The following ARMC12 variants were observed in gnomAD, a reference collection of about 807,000 sequenced individuals.
ARMC12 encodes the protein armadillo repeat-containing protein 12.
In ARMC12, 25 loss-of-function variants were observed where a neutral mutation model predicts 37.4. That is an observed-to-expected ratio of 0.67 (90% CI 0.49 to 0.93). ARMC12 has a LOEUF of 0.93. ARMC12 is among the 40% of genes least tolerant of loss of function. ARMC12 has a pLI of 0.00. For missense variants in ARMC12, 384 were observed against 426.6 expected, an observed-to-expected ratio of 0.90 and a Z score of 0.88; for synonymous variants, 167 against 176.1, an observed-to-expected ratio of 0.95 and a Z score of 0.41.
chr6:35,737,301 C>T (rs370456072), intron 1 of ARMC12, 30 bp downstream of exon 1: 81 of 1,614,124 alleles, frequency 5.0e-5, no homozygotes, highest in Non-Finnish European at 6.5e-5. Flanking sequence ...GGAGAGGGCT[C>T]TGCCCCAGGA....
In ARMC12 at chr6:35,743,298, C is replaced by T. The variant is rs139434062; in HGVS notation, c.445-3963C>T. Among the ~76,000 whole-genome samples the T allele has an allele frequency of 6.0e-4, 91 of 151,676 alleles. 1 individual carries two copies. In the East Asian group the frequency reaches 0.017, roughly 29 times the overall value. ...ATGGCGCGATCTCAGCTCACCGCAA[C>T]CTCCGCCTCCCGGGTTCAAGTGATT... On this transcript the variant is annotated intron_variant, in intron 3 of 5. Coordinates refer to ENST00000373866, the MANE Select transcript of ARMC12 (RefSeq NM_001286574.2).
rs138646133 is a variant in ARMC12, at chr6:35,742,142, T to C, written c.444+3624T>C. Reference sequence around the variant, plus strand: ...AAAGTGCTGGGATTGCAGGTGTCAGTCACCACACCTGGTCAGGCTGTGATT... The same window carrying C: ...AAAGTGCTGGGATTGCAGGTGTCAGCCACCACACCTGGTCAGGCTGTGATT... On this transcript the variant is annotated intron_variant, in intron 3 of 5. Transcript: ENST00000373866. 7.1e-4 allele frequency among the ~76,000 whole-genome samples: 108 copies of C among 151,850 alleles called. 1 individual carries two copies. In the East Asian group the frequency reaches 0.018, roughly 25 times the overall value.
At position 35,748,264 on chromosome 6, in the gene ARMC12, C is replaced by T. The variant is rs577494942; in HGVS notation, c.691-274C>T. Among the ~76,000 whole-genome samples the T allele has an allele frequency of 5.3e-5, 8 of 152,264 alleles. No individual in the cohort carries two copies. In the East Asian group the frequency reaches 1.5e-3, roughly 29 times the overall value. On this transcript the variant is annotated intron_variant, in intron 5 of 5. Coordinates refer to ENST00000373866, the MANE Select transcript of ARMC12 (RefSeq NM_001286574.2). Reference sequence around the variant, plus strand: ...ATTAAATGCACAGTCCTCTCAAGCACACACACAATACTTAAGAAAATTAGT... The same window carrying T: ...ATTAAATGCACAGTCCTCTCAAGCATACACACAATACTTAAGAAAATTAGT...
chr6:35,736,071 C>G (rs182506790), upstream of ARMC12, among the ~76,000 whole-genome samples: 693 of 152,330 alleles, frequency 4.5e-3, 3 homozygotes, highest in Middle Eastern at 0.02. Flanking sequence ...TAGATGCTGT[C>G]ATTGTTCTGC....
At chr6:35,733,659 C>A (rs1012434055), upstream of ARMC12, among the ~76,000 whole-genome samples, 1 of 152,182 alleles carries the variant, frequency 6.6e-6, no homozygotes, top group African/African-American at 2.4e-5. Flanking sequence ...ATGCACACCA[C>A]CACGTCCAGC....
In ARMC12 at chr6:35,747,589, G is replaced by T; in HGVS notation, c.632G>T (p.Arg211Leu). ...DYILAQVQAV[R>L]LLSYLAQKND... The stretch of plus-strand genomic sequence containing the variant: ...TCCTTTATTCAGGTGCAAGCCGTAC[G>T]ACTGCTGAGCTACCTGGCACAGAAG... Residue 211 changes from arginine (R) to leucine (L), a missense_variant, in exon 5 of 6, where the codon CGA (arginine) becomes CTA (leucine). Arg to Leu is a moderately radical substitution (Grantham distance 102, BLOSUM62 -2). Transcript: ENST00000373866. The T allele has an allele frequency of 6.2e-7, 1 of 1,614,164 alleles. No individual in the cohort carries two copies. The highest frequency in any genetic ancestry group is 8.5e-7 in the Non-Finnish European group (1 of 1,180,032).
intron 3 of ARMC12, among the ~76,000 whole-genome samples, chr6:35,741,686 C>T (rs1767173518): frequency 6.6e-6 from 1 of 152,150 alleles, no homozygotes; most frequent in Non-Finnish European, 1.5e-5. Flanking sequence ...TCCCAAACTG[C>T]TGGGATTACA....
intron 3 of ARMC12, among the ~76,000 whole-genome samples, chr6:35,742,956 C>T (rs1370980717): frequency 6.6e-6 from 1 of 152,208 alleles, no homozygotes; most frequent in African/African-American, 2.4e-5. Flanking sequence ...CTAACCCCAG[C>T]CACGTACAAT....
chr6:35,735,678 G>A (rs1422204918), upstream of ARMC12: 1 of 152,330 alleles, frequency 6.6e-6, no homozygotes, highest in African/African-American at 2.4e-5. The surrounding 1 kb of genome is among the most constrained non-coding windows in gnomAD (Gnocchi z 4.0). Flanking sequence ...GTTTGGAGCT[G>A]GCCACTTGCC....
chr6:35,737,047 G>C lies in ARMC12; in HGVS notation c.-62G>C. The C allele has an allele frequency of 6.3e-7, 1 of 1,594,404 alleles. No individual in the cohort carries two copies. ...TGACCCTGCCAGAGTTCTGGTTCCG[G>C]AAGGCCCCCCACAGGTGCCTTGGGC... On this transcript the variant is annotated 5_prime_UTR_variant, in exon 1 of 6. Transcript: ENST00000373866.
chr6:35,738,324 G>A lies in ARMC12; in HGVS notation c.310-60G>A, dbSNP rs1767056438. ...TGCGGAGGGATCTTGGTGACATGGGGGGCAGTGGGCCCAGAACACCCGCTT... is the reference window on the plus strand; with the variant it reads ...TGCGGAGGGATCTTGGTGACATGGGAGGCAGTGGGCCCAGAACACCCGCTT... On this transcript the variant is annotated intron_variant, in intron 2 of 5. Coordinates refer to ENST00000373866, the MANE Select transcript of ARMC12 (RefSeq NM_001286574.2). 3.2e-6 allele frequency: 5 copies of A among 1,578,502 alleles called. No individual in the cohort carries two copies. The East Asian group carries it at 6.7e-5, about 21-fold the overall frequency.
chr6:35,743,342 G>A (rs897226567), intron 3 of ARMC12, among the ~76,000 whole-genome samples: 5 of 151,486 alleles, frequency 3.3e-5, no homozygotes, highest in East Asian at 2.0e-4. Flanking sequence ...TCAGCCTCCC[G>A]AGTAGCTGGG....
Position 35,748,638 on chromosome 6 carries a change from C to T in ARMC12, c.791C>T (p.Ala264Val). 3 of 1,613,106 alleles carry T rather than the reference C, an allele frequency of 1.9e-6. No individual in the cohort carries two copies. The highest frequency in any genetic ancestry group is 1.7e-6 in the Non-Finnish European group (2 of 1,179,338). The change falls in exon 6 of 6, where the codon GCA (alanine) becomes GTA (valine). Residue 264 changes from alanine to valine, a missense_variant. Ala to Val is a moderately conservative substitution (Grantham distance 64). Transcript: ENST00000373866. ...GAGCGGCTGAGTGAGGGCCGGAACG[C>T]ACCCCACTACCACGTGGTGAAATGG... is the stretch of plus-strand genomic sequence containing the variant. ...FAERLSEGRN[A>V]PHYHVVKWHY... is the part of the protein sequence containing the mutation.
chr6:35,748,822 G>A lies in ARMC12; in HGVS notation c.975G>A (p.Arg325=), dbSNP rs1392685303. The A allele has an allele frequency of 6.2e-7, 1 of 1,613,744 alleles. No homozygotes were observed. Among genetic ancestry groups the A allele is most frequent in the African/African-American group, 1.3e-5 (1 of 74,916 alleles). The change falls in exon 6 of 6, where the codon CGG becomes CGA. Residue 325 remains arginine (R), a synonymous_variant. Transcript: ENST00000373866. ...AGTATCCCCAGGACTTGAGAGCCCG[G>A]CCCTCCTCCTGCCAGCCCAGTCGTT... ...SLQYPQDLRA[R]PSSCQPSRSY...
upstream of ARMC12, among the ~76,000 whole-genome samples, chr6:35,734,727 G>A (rs867891905): frequency 6.6e-6 from 1 of 152,048 alleles, no homozygotes; most frequent in Middle Eastern, 3.4e-3. Flanking sequence ...GCTTGAGTCT[G>A]GGAGGCAGAG....
the ARMC12 span, among the ~76,000 whole-genome samples, chr6:35,731,572 G>T: frequency 1.3e-5 from 2 of 152,062 alleles, no homozygotes; most frequent in Non-Finnish European, 2.9e-5. Context: ...ATCCGAACCT[G>T]GGGGGAGGAT....
intron 3 of ARMC12, among the ~76,000 whole-genome samples, chr6:35,747,057 T>TAGAAAAAAAAAAAAA: frequency 1.2e-5 from 1 of 82,548 alleles, no homozygotes; most frequent in South Asian, 4.7e-4. Flanking sequence ...AAGAAGTCTG[T>TAGAAAAAAAAAAAAA]AAAAAAAAAA....
rs193921111 is a variant in ARMC12, at chr6:35,747,417, G to T, written c.601G>T (p.Asp201Tyr). ...MPALMEILQS[D>Y]YILAQVQAVR... ...TGCCTTGATGGAGATCCTGCAGTCA[G>T]ACTACATCCTGGCACAGGTGCCTGA... Residue 201 changes from aspartate to tyrosine, a missense_variant, in exon 4 of 6, where the codon GAC (aspartate) becomes TAC (tyrosine). Physicochemically the swap from Asp to Tyr is radical, Grantham distance 160 (BLOSUM62 -3). Transcript: ENST00000373866. The T allele has an allele frequency of 1.9e-6, 3 of 1,614,214 alleles. No individual in the cohort carries two copies. In the South Asian group the frequency reaches 3.3e-5, roughly 18 times the overall value.
At chr6:35,747,689 G>C (rs777687840) in intron 5 of ARMC12, 42 bp downstream of exon 5, 3 of 1,583,666 alleles carry the variant, frequency 1.9e-6, no homozygotes, top group Non-Finnish European at 2.6e-6. Context: ...TGCCAACTCA[G>C]GTATAGGGGG....
Sources: gnomAD v4.1 joint callset for allele counts (sites outside exome capture counted in the v4.1 genomes callset) on GRCh38, gnomAD v4.1.1 for gene constraint, Gnocchi (gnomAD v3.1) non-coding constraint, MANE v1.5 for transcripts, NCBI Gene and HGNC (gene_info 2026-07-23, HGNC 2026-07-21) for gene names.